Variants in RASAL2 observed in about 807,000 individuals in gnomAD.
RASAL2 encodes the protein RAS protein activator like 2.
A neutral mutation model predicts 128.9 loss-of-function variants in RASAL2; 58 were observed. The observed-to-expected ratio is 0.45, with a 90% CI of 0.36 to 0.56. The LOEUF is 0.56. Among genes scored for constraint, RASAL2 ranks in the 20% least tolerant of loss-of-function variants. The pLI is 0.00. For missense variants in RASAL2, 1,360 were observed against 1,601.6 expected (o/e 0.85, Z 2.57); for synonymous variants, 561 against 580.8 (o/e 0.97, Z 0.49).
At chr1:178,125,105 A>G (rs1659849779) in intron 1 of RASAL2, among the ~76,000 whole-genome samples, 1 of 152,200 alleles carries the variant, frequency 6.6e-6, no homozygotes, top group South Asian at 2.1e-4. Context: ...AAGTATGTTA[A>G]GGAAGTTCTG....
chr1:178,177,085 G>A (rs1661923524), intron 1 of RASAL2, among the ~76,000 whole-genome samples: 2 of 152,174 alleles, frequency 1.3e-5, no homozygotes, highest in South Asian at 4.1e-4. Flanking sequence ...GGAACAGTGG[G>A]TAACATGAAT....
chr1:178,123,399 T>C (rs1659784166), intron 1 of RASAL2, among the ~76,000 whole-genome samples: 1 of 152,240 alleles, frequency 6.6e-6, no homozygotes, highest in African/African-American at 2.4e-5. Flanking sequence ...TAGTTTCTCC[T>C]GAGGACGAAA....
At chr1:178,135,137 C>T (rs1660269137) in intron 1 of RASAL2, among the ~76,000 whole-genome samples, 1 of 152,150 alleles carries the variant, frequency 6.6e-6, no homozygotes, top group Non-Finnish European at 1.5e-5. Flanking sequence ...CCTGATTTGG[C>T]TCCTTCTGAC....
At chr1:178,151,301 A>T (rs1660907889) in intron 1 of RASAL2, among the ~76,000 whole-genome samples, 1 of 152,150 alleles carries the variant, frequency 6.6e-6, no homozygotes, top group Admixed American at 6.5e-5. Context: ...AGCTACTCAG[A>T]GACTGAGTCA....
At chr1:178,353,346 A>T (rs1393615958) in intron 3 of RASAL2, among the ~76,000 whole-genome samples, 1 of 152,188 alleles carries the variant, frequency 6.6e-6, no homozygotes, top group Non-Finnish European at 1.5e-5. Context: ...CATCACGCTC[A>T]AGTTCAAAAT....
intron 1 of RASAL2, among the ~76,000 whole-genome samples, chr1:178,106,481 T>C (rs1416246313): frequency 6.6e-6 from 1 of 152,346 alleles, no homozygotes; most frequent in Non-Finnish European, 1.5e-5. Flanking sequence ...TGGTTGCTGA[T>C]TACTCTGTAT....
At chr1:178,109,885 G>A (rs996598701) in intron 1 of RASAL2, among the ~76,000 whole-genome samples, 3 of 152,074 alleles carry the variant, frequency 2.0e-5, no homozygotes, top group African/African-American at 7.2e-5. Flanking sequence ...AGGTGTTGTG[G>A]CCCGCACTTG....
In RASAL2 at chr1:178,473,597, G is replaced by T. The variant is rs959353187; in HGVS notation, c.*358G>T. ...CACTGCAGTTGTTACAGGAAGTAAA[G>T]TAGGAACTGTTGTGTGAGCGAGACA... On this transcript the variant is annotated 3_prime_UTR_variant, in exon 18 of 18. Coordinates refer to ENST00000367649, the MANE Select transcript of RASAL2 (RefSeq NM_170692.4). The T allele has an allele frequency of 3.6e-6, 1 of 275,242 alleles. No individual in the cohort carries two copies. Among genetic ancestry groups the T allele is most frequent in the African/African-American group, 2.3e-5 (1 of 44,206 alleles). 17.0% of individuals were successfully genotyped at this position (275,242 alleles called of 1,614,324 possible). A position where few individuals can be genotyped will look rare whatever the true frequency, so the allele number is the denominator to read the frequency against.
chr1:178,271,676 T>C (rs1218893123), intron 1 of RASAL2, among the ~76,000 whole-genome samples: 1 of 152,204 alleles, frequency 6.6e-6, no homozygotes, highest in African/African-American at 2.4e-5. Context: ...TCTCAGTAAA[T>C]GAAACCTCTG....
At chr1:178,360,440 A>G (rs1009382490) in intron 3 of RASAL2, among the ~76,000 whole-genome samples, 3 of 152,152 alleles carry the variant, frequency 2.0e-5, no homozygotes, top group African/African-American at 4.8e-5. Flanking sequence ...GAAGGGTGCA[A>G]ACTCTTCAGA....
At chr1:178,452,376 T>C (rs1363596904) in intron 10 of RASAL2, 40 bp from the exon 11 acceptor site, 6 of 1,546,064 alleles carry the variant, frequency 3.9e-6, no homozygotes, top group African/African-American at 2.7e-5. Context: ...GTACTGGTAC[T>C]TCTGTGTTTA....
chr1:178,333,510 T>G (rs1669442435), intron 3 of RASAL2, among the ~76,000 whole-genome samples: 1 of 149,416 alleles, frequency 6.7e-6, no homozygotes, highest in Admixed American at 6.6e-5. Flanking sequence ...GTTATTTATA[T>G]CCTATTGCTC....
At chr1:178,250,652 G>C (rs752626956) in intron 1 of RASAL2, among the ~76,000 whole-genome samples, 1 of 152,144 alleles carries the variant, frequency 6.6e-6, no homozygotes, top group Non-Finnish European at 1.5e-5. Flanking sequence ...TTCTGCGTTG[G>C]TCTCGCTGGG....
intron 1 of RASAL2, among the ~76,000 whole-genome samples, chr1:178,264,617 T>C (rs1025134179): frequency 6.6e-6 from 1 of 152,158 alleles, no homozygotes; most frequent in Non-Finnish European, 1.5e-5. Flanking sequence ...AACAGCCAGA[T>C]GAGGAAGTAT....
chr1:178,321,901 T>G, intron 3 of RASAL2, among the ~76,000 whole-genome samples: 1 of 151,820 alleles, frequency 6.6e-6, no homozygotes, highest in Non-Finnish European at 1.5e-5. Flanking sequence ...GGCAGGAGAA[T>G]TGCTTGAACC....
intron 1 of RASAL2, among the ~76,000 whole-genome samples, chr1:178,268,951 C>T (rs2102163928): frequency 6.6e-6 from 1 of 152,198 alleles, no homozygotes; most frequent in South Asian, 2.1e-4. Context: ...TTTTTAAATA[C>T]TGTATGCTTT....
Position 178,311,252 on chromosome 1 carries a change from A to AC in RASAL2, c.457+11134_457+11135insC, listed in dbSNP as rs1491228520. The stretch of plus-strand genomic sequence containing the variant: ...GAAGAAAACAGCCATACACACACAC[A>AC]AACACACACACACACACACACACAC... On this transcript the variant is annotated intron_variant, in intron 3 of 17. Transcript: ENST00000367649. 6.2e-4 allele frequency among the ~76,000 whole-genome samples: 70 copies of AC among 112,324 alleles called. 1 individual carries two copies. The highest frequency in any genetic ancestry group is 3.2e-3 in the South Asian group (10 of 3,112). 73.7% of individuals were successfully genotyped at this position (112,324 alleles called of 152,430 possible). A position where few individuals can be genotyped will look rare whatever the true frequency, so the allele number is the denominator to read the frequency against.
intron 1 of RASAL2, among the ~76,000 whole-genome samples, chr1:178,120,239 A>T (rs1027306252): frequency 6.6e-6 from 1 of 152,110 alleles, no homozygotes; most frequent in Non-Finnish European, 1.5e-5. Context: ...GTTGCAATGA[A>T]CTCATAATTT....
chr1:178,216,086 A>C (rs1397846007), intron 1 of RASAL2, among the ~76,000 whole-genome samples: 3 of 152,202 alleles, frequency 2.0e-5, no homozygotes, highest in Non-Finnish European at 4.4e-5. Context: ...CAATGAGAGG[A>C]AAAGATTGGG....
Sources: gnomAD v4.1 joint callset for allele counts (sites outside exome capture counted in the v4.1 genomes callset) on GRCh38, gnomAD v4.1.1 for gene constraint, MANE v1.5 for transcripts, NCBI Gene and HGNC (gene_info 2026-07-23, HGNC 2026-07-21) for gene names.